The following SGMS1 variants were observed in gnomAD, a reference collection of about 807,000 sequenced individuals.
SGMS1 encodes the protein sphingomyelin synthase 1.
In SGMS1, 13 loss-of-function variants were observed where a neutral mutation model predicts 46.2. The observed-to-expected ratio is 0.28, with a 90% CI of 0.18 to 0.45. SGMS1 has a LOEUF of 0.45. Among genes scored for constraint, SGMS1 ranks in the 20% least tolerant of loss-of-function variants. The probability of loss-of-function intolerance (pLI) is 1.00; values close to 1 mark genes in which losing one functional copy is unlikely to be tolerated. For missense variants in SGMS1, 324 were observed against 519.9 expected (o/e 0.62, Z 3.66); for synonymous variants, 203 against 187.8 (o/e 1.08, Z -0.66).
rs79654986 is a variant in SGMS1 at position 50,421,535 on chromosome 10, G to A, written c.-232+11941C>T. 5.8e-3 allele frequency among the ~76,000 whole-genome samples: 890 copies of A among 152,164 alleles called. 7 individuals carry two copies. The highest frequency in any genetic ancestry group is 0.017 in the African/African-American group (719 of 41,478). Reference sequence around the variant, plus strand: ...TTCCCACCACTTCCTTAAACAGACCGTTCAGACATTTGCTTGCAAATTTAA... The same window carrying A: ...TTCCCACCACTTCCTTAAACAGACCATTCAGACATTTGCTTGCAAATTTAA... On this transcript the variant is annotated intron_variant, in intron 6 of 10. Transcript: ENST00000361781.
intron 2 of SGMS1, among the ~76,000 whole-genome samples, chr10:50,528,076 T>C (rs1335918769): frequency 6.6e-6 from 1 of 152,178 alleles, no homozygotes; most frequent in Non-Finnish European, 1.5e-5. Context: ...TGCTTCAAGA[T>C]TCATTCCTAA....
chr10:50,624,540 A>G, upstream of SGMS1: 10 of 965,760 alleles, frequency 1.0e-5, no homozygotes, highest in African/African-American at 1.8e-5. Flanking sequence ...CGGAGGCGCA[A>G]GAGCTCTAAC....
intron 3 of SGMS1, among the ~76,000 whole-genome samples, chr10:50,496,999 C>T (rs1171331487): frequency 6.6e-6 from 1 of 152,214 alleles, no homozygotes; most frequent in Admixed American, 6.5e-5. Flanking sequence ...CTTCCACCCA[C>T]TGGTAAAAGT....
intron 6 of SGMS1, among the ~76,000 whole-genome samples, chr10:50,409,483 A>C (rs1404273645): frequency 6.6e-6 from 1 of 152,220 alleles, no homozygotes; most frequent in Non-Finnish European, 1.5e-5. Flanking sequence ...TATGGTTTTC[A>C]TACAACATAT....
At chr10:50,497,820 G>A (rs1564928576) in intron 3 of SGMS1, among the ~76,000 whole-genome samples, 1 of 152,030 alleles carries the variant, frequency 6.6e-6, no homozygotes, top group East Asian at 1.9e-4. Flanking sequence ...AGATCCTTCA[G>A]TTGACAGGTC....
chr10:50,307,129 C>T lies in SGMS1; in HGVS notation c.*13G>A. 1 of 1,610,444 alleles carries T rather than the reference C, an allele frequency of 6.2e-7. No homozygotes were observed. The highest frequency in any genetic ancestry group is 8.5e-7 in the Non-Finnish European group (1 of 1,178,008). ...CTTCGGACAATTTGTCTTTTCCCCA[C>T]TTTGTACAGCTGTTATGTGTCATTC... On this transcript the variant is annotated 3_prime_UTR_variant, in exon 11 of 11. Transcript: ENST00000361781. This position sits in a 1 kb window ranked among gnomAD's most constrained non-coding sequence, Gnocchi z 4.2.
chr10:50,419,473 C>A (rs1849225177), intron 6 of SGMS1, among the ~76,000 whole-genome samples: 1 of 139,674 alleles, frequency 7.2e-6, no homozygotes, highest in African/African-American at 2.7e-5. Context: ...TCTTACTATA[C>A]AATAGAAAGT....
intron 7 of SGMS1, among the ~76,000 whole-genome samples, chr10:50,330,615 GCT>G (rs1847608566): frequency 1.3e-5 from 2 of 152,346 alleles, no homozygotes; most frequent in South Asian, 4.1e-4. Flanking sequence ...GACATACACA[GCT>G]CTTTCAGTGC....
chr10:50,368,778 A>G (rs560395949), intron 6 of SGMS1, among the ~76,000 whole-genome samples: 2 of 152,266 alleles, frequency 1.3e-5, no homozygotes, highest in South Asian at 4.1e-4. Context: ...AAATTATGTA[A>G]GTTTTCAAAT....
chr10:50,494,465 T>C (rs1000557531), intron 3 of SGMS1, among the ~76,000 whole-genome samples: 2 of 152,194 alleles, frequency 1.3e-5, no homozygotes, highest in African/African-American at 2.4e-5. Context: ...AACAAGATCA[T>C]GTCCTTTGAA....
chr10:50,343,948 T>C lies in SGMS1; in HGVS notation c.167A>G (p.Asn56Ser). 1.9e-6 allele frequency: 3 copies of C among 1,614,152 alleles called. No individual in the cohort carries two copies. The highest frequency in any genetic ancestry group is 1.7e-6 in the Non-Finnish European group (2 of 1,180,018). ...KPPLCRVSSD[N>S]GQRLLDMIET... ...TATCATGTCCAGGAGCCGCTGCCCATTGTCAGAGGAGACTCGGCACAAGGG... is the reference window on the plus strand; with the variant it reads ...TATCATGTCCAGGAGCCGCTGCCCACTGTCAGAGGAGACTCGGCACAAGGG... The change falls in exon 7 of 11, where the codon AAT (asparagine) becomes AGT (serine). Residue 56 changes from asparagine to serine, a missense_variant. Physicochemically the swap from Asn to Ser is conservative, Grantham distance 46. Around this residue, in one of 2 missense-constraint regions of SGMS1, gnomAD observed 150 missense variants for 169.8 expected, o/e 0.88. Coordinates refer to ENST00000361781, the MANE Select transcript of SGMS1 (RefSeq NM_147156.4).
At chr10:50,323,690 C>T (rs1346614455) in intron 8 of SGMS1, among the ~76,000 whole-genome samples, 1 of 152,194 alleles carries the variant, frequency 6.6e-6, no homozygotes, top group African/African-American at 2.4e-5. Context: ...CATTAACTCT[C>T]ATTTCCTCTA....
intron 6 of SGMS1, among the ~76,000 whole-genome samples, chr10:50,359,461 CAATA>C (rs1848211666): frequency 6.6e-6 from 1 of 151,942 alleles, no homozygotes. Context: ...GACACAATGA[CAATA>C]AATCAGCCAT....
intron 6 of SGMS1, among the ~76,000 whole-genome samples, chr10:50,347,829 C>T (rs1355980578): frequency 6.6e-6 from 1 of 152,164 alleles, no homozygotes; most frequent in Non-Finnish European, 1.5e-5. Context: ...ACATAATCTC[C>T]TCTCAAGAGA....
intron 3 of SGMS1, among the ~76,000 whole-genome samples, chr10:50,472,493 A>T (rs150220541): frequency 6.6e-6 from 1 of 152,250 alleles, no homozygotes; most frequent in Non-Finnish European, 1.5e-5. Context: ...TGACAGAATT[A>T]TCTCTATCCT....
upstream of SGMS1, chr10:50,624,818 G>A (rs1158469684): frequency 3.0e-6 from 3 of 986,422 alleles, no homozygotes; most frequent in Middle Eastern, 5.2e-4. Flanking sequence ...TGGCCGGCCC[G>A]CGCCGCACCT....
At chr10:50,332,887 T>C (rs1847651263) in intron 7 of SGMS1, among the ~76,000 whole-genome samples, 2 of 152,168 alleles carry the variant, frequency 1.3e-5, no homozygotes, top group Non-Finnish European at 2.9e-5. Context: ...CCACCTCCTC[T>C]GTCTTCTCCT....
At chr10:50,449,439 G>A (rs1282770415) in intron 5 of SGMS1, among the ~76,000 whole-genome samples, 1 of 152,150 alleles carries the variant, frequency 6.6e-6, no homozygotes, top group Non-Finnish European at 1.5e-5. Flanking sequence ...TATGAACTAT[G>A]TAGTCTTAGA....
chr10:50,554,103 T>C (rs926772067), intron 2 of SGMS1, among the ~76,000 whole-genome samples: 25 of 152,228 alleles, frequency 1.6e-4, no homozygotes, highest in Non-Finnish European at 3.7e-4. Context: ...GGAGTAACCA[T>C]ACATCATGCC....
Sources: allele counts gnomAD v4.1 joint callset (sites outside exome capture counted in the v4.1 genomes callset), GRCh38; gene constraint gnomAD v4.1.1; regional missense constraint gnomAD v4.1.1; non-coding constraint Gnocchi (gnomAD v3.1); transcripts MANE v1.5; gene names NCBI Gene and HGNC (gene_info 2026-07-23, HGNC 2026-07-21).